CRLS1: variants seen among roughly 807,000 people sequenced by gnomAD.
CRLS1 encodes cardiolipin synthase 1, also known as cardiolipin synthase (CMP-forming).
In CRLS1, 24 loss-of-function variants were observed where a neutral mutation model predicts 37.0. That is an observed-to-expected ratio of 0.65 (90% CI 0.47 to 0.91). The LOEUF is 0.91. Among genes scored for constraint, CRLS1 ranks in the 40% least tolerant of loss-of-function variants. The pLI is 0.00. For synonymous variants in CRLS1, 135 were observed against 159.7 expected (o/e 0.85, Z 1.17); for missense variants, 373 against 395.8 (o/e 0.94, Z 0.49).
rs771091839 is a variant in CRLS1, at chr20:6,031,332, G to A, written c.622G>A (p.Ala208Thr). The stretch of plus-strand genomic sequence containing the variant: ...TTCGAGAGATGTAATGTTGATTGCT[G>A]CTGTTTTTTATGTCAGATACCGAAC... ...IISRDVMLIAAVFYVRYRTLP... is the reference protein window; with the variant it reads ...IISRDVMLIATVFYVRYRTLP... The change falls in exon 4 of 7, where the codon GCT becomes ACT. Residue 208 changes from alanine to threonine, a missense_variant. Ala to Thr is a moderately conservative substitution (Grantham distance 58). Coordinates refer to ENST00000378863, the MANE Select transcript of CRLS1 (RefSeq NM_019095.6). The A allele has an allele frequency of 1.2e-6, 2 of 1,609,772 alleles. No homozygotes were observed. Among genetic ancestry groups the A allele is most frequent in the African/African-American group, 1.3e-5 (1 of 74,952 alleles).
In CRLS1 at chr20:6,006,341, G is replaced by A; in HGVS notation, c.95G>A (p.Trp32Ter). ...CGGCCGAGTAAGCGACGCGCCTGCT[G>A]GGCCCTGCTGCCGCCCGTGCCCTGC... Reference protein sequence around the residue: ...GTRPSKRRACWALLPPVPCCL... With the variant: ...GTRPSKRRAC Residue 32 changes from tryptophan (W) to a stop codon, truncating the protein, a stop_gained, in exon 1 of 7, where the codon TGG (tryptophan) becomes TAG (stop). Transcript: ENST00000378863. LOFTEE classifies it high-confidence loss of function. The A allele has an allele frequency of 1.5e-6, 2 of 1,372,616 alleles. No individual in the cohort carries two copies. Among genetic ancestry groups the A allele is most frequent in the Non-Finnish European group, 1.9e-6 (2 of 1,060,206 alleles). 85.0% of individuals were successfully genotyped at this position (1,372,616 alleles called of 1,614,324 possible).
intron 3 of CRLS1, among the ~76,000 whole-genome samples, chr20:6,024,929 A>C (rs1979558088): frequency 6.6e-6 from 1 of 152,226 alleles, no homozygotes; most frequent in Non-Finnish European, 1.5e-5. Context: ...CAGAGAGGTG[A>C]AGAAGTTGCA....
chr20:6,019,209 G>C (rs1332460209), intron 3 of CRLS1, among the ~76,000 whole-genome samples: 2 of 152,054 alleles, frequency 1.3e-5, no homozygotes, highest in East Asian at 1.9e-4. Context: ...AATTGTTACG[G>C]GATGATTCAG....
chr20:6,007,489 A>C, intron 1 of CRLS1: 1 of 1,370,930 alleles, frequency 7.3e-7, no homozygotes, highest in Non-Finnish European at 1.0e-6. Context: ...ATTACAAATT[A>C]ATGAGACACC....
chr20:6,025,855 G>T (rs747993971), intron 3 of CRLS1, among the ~76,000 whole-genome samples: 5 of 152,222 alleles, frequency 3.3e-5, no homozygotes, highest in Admixed American at 2.0e-4. Flanking sequence ...TAGAAGTGGA[G>T]CCTGAGGATG....
At chr20:6,031,243 C>T (rs1163785585) in intron 3 of CRLS1, 42 bp from the exon 4 acceptor site, 18 of 1,372,106 alleles carry the variant, frequency 1.3e-5, no homozygotes, top group Non-Finnish European at 1.6e-5. Flanking sequence ...TATTAGTACT[C>T]TTCAGAATCC....
intron 3 of CRLS1, among the ~76,000 whole-genome samples, chr20:6,021,065 CTTTTTTT>C (rs148717152): frequency 8.7e-6 from 1 of 114,348 alleles, no homozygotes. Context: ...TGTTTTGTAT[CTTTTTTT>C]TTTTTTTTTT....
At chr20:6,026,690 T>C (rs992822248) in intron 3 of CRLS1, among the ~76,000 whole-genome samples, 7 of 152,300 alleles carry the variant, frequency 4.6e-5, no homozygotes, top group Admixed American at 3.9e-4. Flanking sequence ...CCGTAGGCAC[T>C]GGGTGCAGGG....
In CRLS1 at chr20:6,006,200, C is replaced by T. The variant is rs995852537; in HGVS notation, c.-47C>T. Reference sequence around the variant, plus strand: ...AGAAGCGGCTCGCCAGTGTCCCAGGCTGCTGAGCTCTCGCCGCCCGAGACC... The same window carrying T: ...AGAAGCGGCTCGCCAGTGTCCCAGGTTGCTGAGCTCTCGCCGCCCGAGACC... On this transcript the variant is annotated 5_prime_UTR_variant, in exon 1 of 7. Transcript: ENST00000378863. 8.9e-7 allele frequency: 1 copy of T among 1,118,762 alleles called. No homozygotes were observed. The highest frequency in any genetic ancestry group is 1.1e-6 in the Non-Finnish European group (1 of 889,132). 69.3% of individuals were successfully genotyped at this position (1,118,762 alleles called of 1,614,324 possible).
chr20:6,008,089 A>ATT (rs1364009171), intron 1 of CRLS1, among the ~76,000 whole-genome samples: 1 of 98,138 alleles, frequency 1.0e-5, no homozygotes, highest in Non-Finnish European at 1.9e-5. Flanking sequence ...TTTAGAGAAT[A>ATT]CTTTTTTTTT....
intron 3 of CRLS1, among the ~76,000 whole-genome samples, chr20:6,026,565 T>C (rs1000536566): frequency 6.6e-6 from 1 of 152,200 alleles, no homozygotes; most frequent in Non-Finnish European, 1.5e-5. Context: ...TCCTTCAGAT[T>C]CTATTTTTTG....
At chr20:6,011,079 A>G (rs2090125772) in intron 2 of CRLS1, among the ~76,000 whole-genome samples, 1 of 152,146 alleles carries the variant, frequency 6.6e-6, no homozygotes, top group East Asian at 1.9e-4. Context: ...AAGTGTGGAA[A>G]AGATGGAGGA....
intron 3 of CRLS1, among the ~76,000 whole-genome samples, chr20:6,018,601 G>A (rs778435647): frequency 2.0e-5 from 3 of 152,156 alleles, no homozygotes; most frequent in Non-Finnish European, 4.4e-5. Context: ...GTTCACTTCT[G>A]TTGGGAGTTT....
chr20:6,012,761 T>C (rs1409923430), intron 2 of CRLS1, among the ~76,000 whole-genome samples: 1 of 152,040 alleles, frequency 6.6e-6, no homozygotes, highest in Non-Finnish European at 1.5e-5. Context: ...CTGGGTAAAA[T>C]CATCCAGGCT....
At chr20:6,030,317 G>C (rs1483645097) in intron 3 of CRLS1, among the ~76,000 whole-genome samples, 1 of 151,956 alleles carries the variant, frequency 6.6e-6, no homozygotes, top group Admixed American at 6.6e-5. Flanking sequence ...TATGGCTCTG[G>C]GACCATGGTG....
chr20:6,016,866 G>A (rs907475929), intron 3 of CRLS1, among the ~76,000 whole-genome samples: 1 of 152,176 alleles, frequency 6.6e-6, no homozygotes, highest in African/African-American at 2.4e-5. Flanking sequence ...GTTGTTTTCT[G>A]TAGAAGGATG....
intron 3 of CRLS1, among the ~76,000 whole-genome samples, chr20:6,026,455 G>GTAT (rs1979719448): frequency 6.6e-6 from 1 of 152,130 alleles, no homozygotes; most frequent in Admixed American, 6.5e-5. Context: ...CTTTACTGCA[G>GTAT]TATTAGCTTT....
intron 3 of CRLS1, among the ~76,000 whole-genome samples, chr20:6,018,216 C>CAAAAAAA (rs57874755): frequency 0.016 from 1,243 of 78,148 alleles, 66 homozygotes; most frequent in African/African-American, 0.064. Context: ...ACTCTGTCCT[C>CAAAAAAA]AAAAAAAAAA....
chr20:6,020,871 A>G (rs868053173), intron 3 of CRLS1, among the ~76,000 whole-genome samples: 8 of 149,154 alleles, frequency 5.4e-5, no homozygotes, highest in Middle Eastern at 3.6e-3. Context: ...TGACCTCATG[A>G]TCCGCCCTCC....
Sources: gnomAD v4.1 joint callset for allele counts (sites outside exome capture counted in the v4.1 genomes callset) on GRCh38, gnomAD v4.1.1 for gene constraint, MANE v1.5 for transcripts, NCBI Gene and HGNC (gene_info 2026-07-23, HGNC 2026-07-21) for gene names.